The following EYA3 variants were observed in gnomAD, a reference collection of about 807,000 sequenced individuals.
EYA3 encodes EYA transcriptional coactivator and phosphatase 3.
In EYA3, 39 loss-of-function variants were observed where a neutral mutation model predicts 80.0. The ratio of observed to expected loss-of-function variants is 0.49; its 90% CI spans 0.38 to 0.64. The LOEUF (loss-of-function observed/expected upper bound fraction) is 0.64. Among genes scored for constraint, EYA3 ranks in the 30% least tolerant of loss-of-function variants. The probability of loss-of-function intolerance (pLI) is 0.00; values close to 1 mark genes in which losing one functional copy is unlikely to be tolerated. For missense variants in EYA3, 523 were observed against 676.1 expected, an observed-to-expected ratio of 0.77 and a Z score of 2.51; for synonymous variants, 206 against 232.8, an observed-to-expected ratio of 0.88 and a Z score of 1.05.
intron 16 of EYA3, among the ~76,000 whole-genome samples, chr1:27,982,559 G>A (rs566685034): frequency 8.6e-5 from 13 of 150,642 alleles, no homozygotes; most frequent in African/African-American, 2.9e-4. Flanking sequence ...ATTACATACT[G>A]TACATTTATC....
Position 28,035,700 on chromosome 1 carries a change from CA to C in EYA3, c.225-21del, listed in dbSNP as rs751721278. ...TAAGGTCTGGAAAATTTCATGAAAA[CA>C]AAAACTTTTGTGTGATTTACTTTAG... On this transcript the variant is annotated intron_variant, in intron 5 of 17. Coordinates refer to ENST00000373871, the MANE Select transcript of EYA3 (RefSeq NM_001990.4). The C allele has an allele frequency of 4.4e-6, 7 of 1,607,222 alleles. No homozygotes were observed. In the African/African-American group the frequency reaches 8.0e-5, roughly 18 times the overall value.
Position 27,973,800 on chromosome 1 carries a change from A to G in EYA3, c.*666T>C, listed in dbSNP as rs1638814419. 1 of 152,198 alleles carries G rather than the reference A, an allele frequency of 6.6e-6. No homozygotes were observed. The highest frequency in any genetic ancestry group is 2.4e-5 in the African/African-American group (1 of 41,428). The allele number at this position is 152,198 out of a possible 1,614,324, so 9.4% of individuals were successfully genotyped here. A position where few individuals can be genotyped will look rare whatever the true frequency, so the allele number is the denominator to read the frequency against. On this transcript the variant is annotated 3_prime_UTR_variant, in exon 18 of 18. Coordinates refer to ENST00000373871, the MANE Select transcript of EYA3 (RefSeq NM_001990.4). ...AGGTATTTTAGATATTTCAATTACT[A>G]TTTTCAAGACTTTAAACACCCCTTC...
At chr1:27,986,034 G>A (rs986735479) in intron 16 of EYA3, among the ~76,000 whole-genome samples, 3 of 151,974 alleles carry the variant, frequency 2.0e-5, no homozygotes, top group African/African-American at 4.8e-5. Context: ...AAAAAAGCTG[G>A]TAAAATATGC....
chr1:28,067,321 C>G (rs1026619311), intron 1 of EYA3, among the ~76,000 whole-genome samples: 2 of 152,062 alleles, frequency 1.3e-5, no homozygotes, highest in African/African-American at 4.8e-5. Context: ...TAAACTATTT[C>G]AATACAAGCT....
At chr1:28,008,725 C>A (rs940235074) in intron 10 of EYA3, among the ~76,000 whole-genome samples, 1 of 152,060 alleles carries the variant, frequency 6.6e-6, no homozygotes, top group African/African-American at 2.4e-5. Flanking sequence ...GGGTGGATCA[C>A]CTGAGGTCAG....
intron 16 of EYA3, among the ~76,000 whole-genome samples, chr1:27,984,899 A>G (rs983862093): frequency 1.1e-4 from 17 of 152,174 alleles, no homozygotes; most frequent in African/African-American, 2.4e-4. Context: ...TCATTTACTA[A>G]TAAGTTAGTA....
At chr1:27,989,518 G>C (rs181404168) in intron 15 of EYA3, among the ~76,000 whole-genome samples, 179 bp downstream of exon 15, 1 of 152,180 alleles carries the variant, frequency 6.6e-6, no homozygotes, top group Non-Finnish European at 1.5e-5. Context: ...CTTAAAACTA[G>C]AAGTTGTGCT....
In EYA3 at chr1:28,042,726, T is replaced by C. The variant is rs1482366284; in HGVS notation, c.78-76A>G. 4 of 1,145,480 alleles carry C rather than the reference T, an allele frequency of 3.5e-6. No homozygotes were observed. In the African/African-American group the frequency reaches 4.6e-5, roughly 13 times the overall value. The allele number at this position is 1,145,480 out of a possible 1,614,324, so 71.0% of individuals were successfully genotyped here. A position where few individuals can be genotyped will look rare whatever the true frequency, so the allele number is the denominator to read the frequency against. ...CTAAAAAGTGATGAGTTCAAACCCA[T>C]TTCCTCCTAGGCTATATAAGTAAGA... On this transcript the variant is annotated intron_variant, in intron 3 of 17. Coordinates refer to ENST00000373871, the MANE Select transcript of EYA3 (RefSeq NM_001990.4).
At chr1:27,997,244 T>C in intron 13 of EYA3, 76 bp downstream of exon 13, 8 of 1,344,040 alleles carry the variant, frequency 6.0e-6, no homozygotes, top group Non-Finnish European at 8.6e-6. Context: ...TTTATCTTTG[T>C]TTTCCTCCAA....
intron 7 of EYA3, among the ~76,000 whole-genome samples, chr1:28,020,667 C>CGTGTTTGTGTGTGTGTGT (rs1642371212): frequency 7.4e-6 from 1 of 134,478 alleles, no homozygotes; most frequent in Non-Finnish European, 1.6e-5. Flanking sequence ...TACAGATCAT[C>CGTGTTTGTGTGTGTGTGT]GTGTGTGTGT....
rs1204886235 is a variant in EYA3, at chr1:27,973,905, A to G, written c.*561T>C. 6.6e-6 allele frequency: 1 copy of G among 152,224 alleles called. No individual in the cohort carries two copies. The highest frequency in any genetic ancestry group is 1.5e-5 in the Non-Finnish European group (1 of 68,044). 9.4% of individuals were successfully genotyped at this position (152,224 alleles called of 1,614,324 possible). On this transcript the variant is annotated 3_prime_UTR_variant, in exon 18 of 18. Transcript: ENST00000373871. ...TAAAAATAACATACACATTCGCTGG[A>G]AATAAGTGAGATTCTAAGCTAAGGA...
intron 7 of EYA3, 122 bp from the exon 8 acceptor site, chr1:28,017,361 A>G (rs749590486): frequency 2.1e-4 from 144 of 685,180 alleles, no homozygotes; most frequent in Non-Finnish European, 3.3e-4. Flanking sequence ...GGCAAAGGAA[A>G]CAAACACTCG....
At chr1:27,992,084 G>C (rs1269745212) in intron 14 of EYA3, among the ~76,000 whole-genome samples, 1 of 152,152 alleles carries the variant, frequency 6.6e-6, no homozygotes, top group Non-Finnish European at 1.5e-5. Context: ...GTATTAGAGA[G>C]CTGTAACTGA....
intron 16 of EYA3, among the ~76,000 whole-genome samples, chr1:27,982,758 G>GT (rs1639395158): frequency 6.6e-6 from 1 of 151,766 alleles, no homozygotes; most frequent in South Asian, 2.1e-4. Context: ...GCTAATTTTT[G>GT]TATTTTTTGC....
intron 2 of EYA3, among the ~76,000 whole-genome samples, chr1:28,050,652 G>A (rs1412529056): frequency 1.3e-5 from 2 of 152,078 alleles, no homozygotes; most frequent in African/African-American, 4.8e-5. Context: ...AGAAAAGTCT[G>A]GGGAAGGAAA....
At chr1:28,050,964 A>G (rs923823336) in intron 2 of EYA3, among the ~76,000 whole-genome samples, 1 of 152,342 alleles carries the variant, frequency 6.6e-6, no homozygotes, top group South Asian at 2.1e-4. Context: ...ACTTGCAATA[A>G]TGAATACTGA....
intron 7 of EYA3, among the ~76,000 whole-genome samples, chr1:28,027,560 A>ATTCAG (rs1486654259): frequency 6.6e-6 from 1 of 152,166 alleles, no homozygotes; most frequent in East Asian, 1.9e-4. Context: ...GAAGGCTTCA[A>ATTCAG]TTCTATTAAG....
chr1:28,046,457 C>G (rs1030149063), intron 3 of EYA3, among the ~76,000 whole-genome samples: 8 of 151,924 alleles, frequency 5.3e-5, no homozygotes, highest in Non-Finnish European at 1.0e-4. Context: ...TTCCTAATCT[C>G]TCTTTGAACT....
chr1:28,052,085 T>C (rs969304098), intron 2 of EYA3, among the ~76,000 whole-genome samples: 1 of 152,110 alleles, frequency 6.6e-6, no homozygotes, highest in African/African-American at 2.4e-5. Context: ...CTCGGCTCAC[T>C]GCAACCTCCA....
Sources: gnomAD v4.1 joint callset for allele counts (sites outside exome capture counted in the v4.1 genomes callset) on GRCh38, gnomAD v4.1.1 for gene constraint, MANE v1.5 for transcripts, NCBI Gene and HGNC (gene_info 2026-07-23, HGNC 2026-07-21) for gene names.